Variants in RUNX2 observed in about 807,000 individuals in gnomAD.
The protein encoded by RUNX2 is RUNX family transcription factor 2.
In RUNX2, 10 loss-of-function variants were observed where a neutral mutation model predicts 51.7. The ratio of observed to expected loss-of-function variants is 0.19; its 90% CI spans 0.12 to 0.33. The LOEUF is 0.33. Among genes scored for constraint, RUNX2 ranks in the 10% least tolerant of loss-of-function variants. The pLI is 1.00. For missense variants in RUNX2, 562 were observed against 691.3 expected, an observed-to-expected ratio of 0.81 and a Z score of 2.10; for synonymous variants, 276 against 273.6, an observed-to-expected ratio of 1.01 and a Z score of -0.09.
chr6:45,413,197 T>A (rs1797990132), intron 2 of RUNX2, among the ~76,000 whole-genome samples: 1 of 152,152 alleles, frequency 6.6e-6, no homozygotes, highest in Non-Finnish European at 1.5e-5. Context: ...TGCAATGTAT[T>A]TAAATAAAAT....
chr6:45,329,299 TAAAAG>T (rs1035175400), intron 2 of RUNX2, among the ~76,000 whole-genome samples: 3 of 151,972 alleles, frequency 2.0e-5, no homozygotes, highest in South Asian at 2.1e-4. Flanking sequence ...CCAGCTCAAC[TAAAAG>T]AAATCTACTT....
At chr6:45,411,684 C>T (rs1797954608) in intron 2 of RUNX2, among the ~76,000 whole-genome samples, 1 of 151,988 alleles carries the variant, frequency 6.6e-6, no homozygotes, top group African/African-American at 2.4e-5. Context: ...ATCAGAGAAG[C>T]CATAATTTAA....
chr6:45,543,493 G>A (rs1296140010), intron 7 of RUNX2, among the ~76,000 whole-genome samples: 2 of 152,212 alleles, frequency 1.3e-5, no homozygotes, highest in Non-Finnish European at 2.9e-5. Flanking sequence ...GCTCTTGGGA[G>A]CTCTGAGCGT....
At chr6:45,435,617 C>G (rs1490187726) in intron 4 of RUNX2, among the ~76,000 whole-genome samples, 2 of 152,158 alleles carry the variant, frequency 1.3e-5, no homozygotes, top group Non-Finnish European at 2.9e-5. Context: ...CTCCACCTCC[C>G]AAAGTGTTGG....
chr6:45,364,036 A>G (rs76521618), intron 2 of RUNX2, among the ~76,000 whole-genome samples: 1 of 151,754 alleles, frequency 6.6e-6, no homozygotes, highest in South Asian at 2.1e-4. Context: ...AATCGCTTCA[A>G]CCTAGGAAGT....
chr6:45,549,128 A>T lies in RUNX2; in HGVS notation c.*1823A>T. On this transcript the variant is annotated 3_prime_UTR_variant, in exon 9 of 9. Transcript: ENST00000647337. ...CACTTTGACCACTCCTGGCAGTCACATGGCAGATTTCCAAGTGCAAATCCT... is the reference window on the plus strand; with the variant it reads ...CACTTTGACCACTCCTGGCAGTCACTTGGCAGATTTCCAAGTGCAAATCCT... 2.5e-6 allele frequency: 1 copy of T among 398,634 alleles called. No homozygotes were observed. Among genetic ancestry groups the T allele is most frequent in the Non-Finnish European group, 4.4e-6 (1 of 226,112 alleles). 24.7% of individuals were successfully genotyped at this position (398,634 alleles called of 1,614,324 possible). A position where few individuals can be genotyped will look rare whatever the true frequency, so the allele number is the denominator to read the frequency against.
At chr6:45,444,931 C>G (rs769995468) in intron 5 of RUNX2, among the ~76,000 whole-genome samples, 5 of 152,176 alleles carry the variant, frequency 3.3e-5, no homozygotes. Context: ...CTTTTATCCT[C>G]CATTACTTTT....
At chr6:45,356,616 G>A (rs1793241587) in intron 2 of RUNX2, among the ~76,000 whole-genome samples, 1 of 152,018 alleles carries the variant, frequency 6.6e-6, no homozygotes, top group African/African-American at 2.4e-5. Flanking sequence ...GGCCAGGCTG[G>A]TCTCGAACTC....
chr6:45,480,978 G>A (rs1280411619), intron 5 of RUNX2, among the ~76,000 whole-genome samples: 1 of 152,200 alleles, frequency 6.6e-6, no homozygotes, highest in Non-Finnish European at 1.5e-5. Flanking sequence ...TTACAGAAAT[G>A]AGAAAATTGA....
intron 2 of RUNX2, among the ~76,000 whole-genome samples, chr6:45,354,958 A>C (rs1423466642): frequency 6.6e-6 from 1 of 152,092 alleles, no homozygotes; most frequent in Non-Finnish European, 1.5e-5. Flanking sequence ...AAAGATAAAT[A>C]CCAAAGCCTT....
chr6:45,340,117 CTCAA>C (rs1282986086), intron 2 of RUNX2, among the ~76,000 whole-genome samples: 4 of 152,064 alleles, frequency 2.6e-5, no homozygotes, highest in Non-Finnish European at 2.9e-5. Context: ...CTTCCTAGTC[CTCAA>C]TCAATTTCAT....
intron 5 of RUNX2, among the ~76,000 whole-genome samples, chr6:45,470,658 G>T (rs1414922222): frequency 6.6e-6 from 1 of 152,124 alleles, no homozygotes; most frequent in Non-Finnish European, 1.5e-5. Flanking sequence ...CCTTTCTTTG[G>T]TACCGGAAAT....
intron 6 of RUNX2, among the ~76,000 whole-genome samples, chr6:45,499,918 A>G (rs1179449933): frequency 6.6e-6 from 1 of 152,090 alleles, no homozygotes; most frequent in Non-Finnish European, 1.5e-5. Context: ...TTAGTTTTAT[A>G]TACATATGTA....
chr6:45,412,470 CT>C (rs897862729), intron 2 of RUNX2, among the ~76,000 whole-genome samples: 4 of 152,076 alleles, frequency 2.6e-5, no homozygotes, highest in Non-Finnish European at 5.9e-5. Flanking sequence ...TGAAAAATCC[CT>C]ACTTCAAAAA....
At chr6:45,474,625 C>G (rs925763329) in intron 5 of RUNX2, among the ~76,000 whole-genome samples, 1 of 151,938 alleles carries the variant, frequency 6.6e-6, no homozygotes, top group African/African-American at 2.4e-5. Context: ...TGAAATGTCC[C>G]TTTGAGCATC....
intron 6 of RUNX2, among the ~76,000 whole-genome samples, chr6:45,509,017 A>G (rs1332302583): frequency 6.6e-6 from 1 of 152,160 alleles, no homozygotes; most frequent in Non-Finnish European, 1.5e-5. Context: ...GATAGCATAG[A>G]GTCATATTTT....
intron 2 of RUNX2, among the ~76,000 whole-genome samples, chr6:45,335,347 T>C (rs1301195874): frequency 1.3e-5 from 2 of 151,252 alleles, no homozygotes; most frequent in African/African-American, 4.8e-5. Context: ...TGACATTTAT[T>C]TTACTATGTA....
At chr6:45,386,929 A>T (rs1797360171) in intron 2 of RUNX2, among the ~76,000 whole-genome samples, 1 of 152,214 alleles carries the variant, frequency 6.6e-6, no homozygotes, top group Non-Finnish European at 1.5e-5. Context: ...TAATGCAATG[A>T]CATAGTTTGC....
intron 6 of RUNX2, 147 bp downstream of exon 6, chr6:45,492,261 TC>T (rs1298359578): frequency 2.8e-6 from 2 of 722,096 alleles, no homozygotes; most frequent in Non-Finnish European, 4.7e-6. Context: ...ACTGATTTCT[TC>T]TTTTTTATTA....
Sources: gnomAD v4.1 joint callset for allele counts (sites outside exome capture counted in the v4.1 genomes callset) on GRCh38, gnomAD v4.1.1 for gene constraint, MANE v1.5 for transcripts, NCBI Gene and HGNC (gene_info 2026-07-23, HGNC 2026-07-21) for gene names.